NTM: variants seen among roughly 807,000 people sequenced by gnomAD.
The protein encoded by NTM is neurotrimin, also known as IgLON family member 2.
In NTM, 13 loss-of-function variants were observed where a neutral mutation model predicts 42.1. The observed-to-expected ratio is 0.31, with a 90% CI of 0.20 to 0.49. The LOEUF (loss-of-function observed/expected upper bound fraction) is 0.49, where lower values mean the gene tolerates loss of function less well. Ranked by LOEUF, NTM falls within the 20% of genes least tolerant of loss-of-function variation. NTM has a pLI of 0.99. For synonymous variants in NTM, 187 were observed against 179.2 expected, an observed-to-expected ratio of 1.04 and a Z score of -0.35; for missense variants, 373 against 452.8, an observed-to-expected ratio of 0.82 and a Z score of 1.60.
intron 2 of NTM, among the ~76,000 whole-genome samples, chr11:132,137,170 G>A (rs2068093432): frequency 6.6e-6 from 1 of 152,216 alleles, no homozygotes; most frequent in East Asian, 1.9e-4. Flanking sequence ...GGCCTAACTT[G>A]TCCAGGGACT....
At chr11:132,010,851 AT>A (rs999533375) in intron 2 of NTM, among the ~76,000 whole-genome samples, 18 of 152,032 alleles carry the variant, frequency 1.2e-4, no homozygotes, top group African/African-American at 4.3e-4. Flanking sequence ...TGGAAGTATC[AT>A]TTATTGGTGC....
intron 4 of NTM, among the ~76,000 whole-genome samples, chr11:132,301,207 A>T (rs2094839345): frequency 6.6e-6 from 1 of 152,234 alleles, no homozygotes; most frequent in South Asian, 2.1e-4. Context: ...AGCAGGAAGA[A>T]GAGTGAGTGC....
In NTM at chr11:132,335,426, C is replaced by G. The variant is rs1592113952; in HGVS notation, c.*280C>G. 1 of 377,114 alleles carries G rather than the reference C, an allele frequency of 2.7e-6. No homozygotes were observed. Among genetic ancestry groups the G allele is most frequent in the East Asian group, 6.2e-5 (1 of 16,020 alleles). The allele number at this position is 377,114 out of a possible 1,614,324, so 23.4% of individuals were successfully genotyped here. ...CAGCACACCCGGCTTGGACCCACTG[C>G]AAGCTGCATCGTGCAACCTCTTTGG... On this transcript the variant is annotated 3_prime_UTR_variant, in exon 9 of 9. Coordinates refer to ENST00000683400, the MANE Select transcript of NTM (RefSeq NM_001352005.2).
intron 2 of NTM, among the ~76,000 whole-genome samples, chr11:131,992,834 A>G (rs1192734369): frequency 3.3e-5 from 5 of 152,126 alleles, no homozygotes; most frequent in Non-Finnish European, 5.9e-5. Flanking sequence ...TCCTGTGACC[A>G]TGAGACTGGA....
At chr11:131,564,808 G>C (rs2056677489) in intron 1 of NTM, among the ~76,000 whole-genome samples, 1 of 152,138 alleles carries the variant, frequency 6.6e-6, no homozygotes, top group Non-Finnish European at 1.5e-5. Context: ...CTCCCTGCAA[G>C]AATATTCTTA....
At chr11:132,320,482 G>T (rs903330207) in intron 7 of NTM, among the ~76,000 whole-genome samples, 2 of 152,272 alleles carry the variant, frequency 1.3e-5, no homozygotes, top group African/African-American at 4.8e-5. Context: ...CTTAAAAAAC[G>T]GCGCACCATG....
chr11:132,284,930 G>C (rs1374130773), intron 4 of NTM: 1 of 152,406 alleles, frequency 6.6e-6, no homozygotes, highest in Non-Finnish European at 1.5e-5. Context: ...ACAGCAACAG[G>C]ATGAGGAAAG....
At chr11:131,583,817 G>T (rs932919640) in intron 1 of NTM, among the ~76,000 whole-genome samples, 1 of 152,148 alleles carries the variant, frequency 6.6e-6, no homozygotes, top group Admixed American at 6.5e-5. Context: ...ATTTCTTATG[G>T]ATTTCTTCTA....
intron 1 of NTM, among the ~76,000 whole-genome samples, chr11:131,867,491 G>A (rs925369750): frequency 6.6e-6 from 1 of 151,810 alleles, no homozygotes; most frequent in African/African-American, 2.4e-5. Flanking sequence ...GTGTCTACCT[G>A]TTTATCTGTG....
At chr11:132,203,178 TG>T (rs2081408661) in intron 3 of NTM, among the ~76,000 whole-genome samples, 3 of 152,158 alleles carry the variant, frequency 2.0e-5, no homozygotes. Context: ...CCTCAAACCT[TG>T]AGCACATCAG....
At chr11:132,334,824 G>A (rs1039910365) in intron 8 of NTM, among the ~76,000 whole-genome samples, 1 of 151,668 alleles carries the variant, frequency 6.6e-6, no homozygotes, top group Admixed American at 6.6e-5. Flanking sequence ...TGAGCCTCAT[G>A]TTCTCTCCTT....
At chr11:132,165,215 C>A (rs543575729) in intron 3 of NTM, among the ~76,000 whole-genome samples, 5 of 152,174 alleles carry the variant, frequency 3.3e-5, no homozygotes, top group Non-Finnish European at 7.4e-5. Flanking sequence ...CTTGCCCCAC[C>A]TCCCTTACCA....
chr11:131,911,401 C>T lies in NTM; in HGVS notation c.83-163C>T. On this transcript the variant is annotated intron_variant, in intron 1 of 8. Coordinates refer to ENST00000683400, the MANE Select transcript of NTM (RefSeq NM_001352005.2). ...CCGCTCAGTCCCCGCGCTCGCTCCG[C>T]ACCCCACCCACTTCCTGTGCTCGCC... The T allele has an allele frequency of 3.8e-6, 6 of 1,597,266 alleles. No homozygotes were observed. The South Asian group carries it at 6.8e-5, about 18-fold the overall frequency.
intron 1 of NTM, among the ~76,000 whole-genome samples, chr11:131,465,259 G>T (rs899053121): frequency 1.3e-5 from 2 of 152,134 alleles, no homozygotes; most frequent in Non-Finnish European, 2.9e-5. Flanking sequence ...CAGATGAGCC[G>T]CCCCATGGGT....
At chr11:132,085,563 CTGT>C (rs1327342475) in intron 2 of NTM, among the ~76,000 whole-genome samples, 2 of 152,196 alleles carry the variant, frequency 1.3e-5, no homozygotes, top group African/African-American at 4.8e-5. Flanking sequence ...ATCTTTAAGA[CTGT>C]TTTTATTTCT....
chr11:132,183,747 C>G (rs1407909981), intron 3 of NTM, among the ~76,000 whole-genome samples: 1 of 152,122 alleles, frequency 6.6e-6, no homozygotes, highest in African/African-American at 2.4e-5. Flanking sequence ...TAAAGTGCTT[C>G]CATTCCTGTT....
chr11:131,394,402 T>C (rs1204915502), intron 1 of NTM, among the ~76,000 whole-genome samples: 3 of 152,018 alleles, frequency 2.0e-5, no homozygotes, highest in Admixed American at 6.5e-5. Flanking sequence ...CCTCACTGGC[T>C]GAGATTGCTT....
At chr11:132,155,045 A>G (rs190759423) in intron 3 of NTM, among the ~76,000 whole-genome samples, 10 of 152,304 alleles carry the variant, frequency 6.6e-5, no homozygotes, top group Admixed American at 1.3e-4. Context: ...AATTCAAAAT[A>G]GAGGATTTTC....
chr11:131,738,311 T>G (rs1303697425), intron 1 of NTM, among the ~76,000 whole-genome samples: 1 of 152,242 alleles, frequency 6.6e-6, no homozygotes, highest in Non-Finnish European at 1.5e-5. Context: ...GGTTTCACCC[T>G]GTGGAACAGG....
Sources: allele counts gnomAD v4.1 joint callset (sites outside exome capture counted in the v4.1 genomes callset), GRCh38; gene constraint gnomAD v4.1.1; transcripts MANE v1.5; gene names NCBI Gene and HGNC (gene_info 2026-07-23, HGNC 2026-07-21).